Variants in D2HGDH observed in about 807,000 individuals in gnomAD.
The protein encoded by D2HGDH is D-2-hydroxyglutarate dehydrogenase, mitochondrial.
A neutral mutation model predicts 46.9 loss-of-function variants in D2HGDH; 31 were observed. That is an observed-to-expected ratio of 0.66 (90% CI 0.50 to 0.89). D2HGDH has a LOEUF of 0.89. D2HGDH is among the 40% of genes least tolerant of loss of function. The pLI, the probability that D2HGDH is intolerant of heterozygous loss-of-function variation, is 0.00. For synonymous variants in D2HGDH, 364 were observed against 332.6 expected, an observed-to-expected ratio of 1.09 and a Z score of -1.03; for missense variants, 698 against 720.8, an observed-to-expected ratio of 0.97 and a Z score of 0.36.
At chr2:241,765,007 T>C (rs1477019798) in intron 9 of D2HGDH, among the ~76,000 whole-genome samples, 3 of 152,170 alleles carry the variant, frequency 2.0e-5, no homozygotes, top group Non-Finnish European at 4.4e-5. Flanking sequence ...GGGCTCAGTG[T>C]GGGCTAAGTG....
chr2:241,747,147 C>G (rs569488865), intron 6 of D2HGDH, among the ~76,000 whole-genome samples: 1 of 152,166 alleles, frequency 6.6e-6, no homozygotes, highest in South Asian at 2.1e-4. Flanking sequence ...TCATGTAACT[C>G]CTGGGCTAAA....
chr2:241,768,267 C>G lies in D2HGDH; in HGVS notation c.*298C>G, dbSNP rs555079079. ...CCACGTGGAAGCGGGGTGGGTCTCA[C>G]TTGCGTGGTGGCCCCTGGCCCCATC... On this transcript the variant is annotated 3_prime_UTR_variant, in exon 10 of 10. Coordinates refer to ENST00000321264, the MANE Select transcript of D2HGDH (RefSeq NM_152783.5). 12 of 450,652 alleles carry G rather than the reference C, an allele frequency of 2.7e-5. No individual in the cohort carries two copies. In the East Asian group the frequency reaches 4.6e-4, roughly 17 times the overall value. The allele number at this position is 450,652 out of a possible 1,614,324, so 27.9% of individuals were successfully genotyped here.
chr2:241,750,229 A>G lies in D2HGDH; in HGVS notation c.932A>G (p.Glu311Gly). Reference sequence around the variant, plus strand: ...CTGGGTGAGATCCTGTCTGCATTCGAGTTCATGGATGCTGTGTGCATGCAG... The same window carrying G: ...CTGGGTGAGATCCTGTCTGCATTCGGGTTCATGGATGCTGTGTGCATGCAG... ...GMLGEILSAF[E>G]FMDAVCMQLV... The change falls in exon 7 of 10, where the codon GAG becomes GGG. Residue 311 changes from glutamate (E) to glycine (G), a missense_variant. By Grantham distance (98) the Glu-to-Gly change is moderately conservative. Transcript: ENST00000321264. 1 of 1,613,948 alleles carries G rather than the reference A, an allele frequency of 6.2e-7. No homozygotes were observed. The highest frequency in any genetic ancestry group is 8.5e-7 in the Non-Finnish European group (1 of 1,180,014).
intron 2 of D2HGDH, among the ~76,000 whole-genome samples, chr2:241,737,496 T>TTTTTA (rs1553601394): frequency 0.27 from 41,384 of 151,846 alleles, 6,285 homozygotes; most frequent in Admixed American, 0.4. Context: ...TTTTCTCTTT[T>TTTTTA]TTTATTTTTT....
intron 9 of D2HGDH, among the ~76,000 whole-genome samples, chr2:241,756,669 C>A (rs917960096): frequency 8.5e-5 from 13 of 152,174 alleles, no homozygotes; most frequent in African/African-American, 3.1e-4. Context: ...TTACAGGCGT[C>A]CACCACCAGG....
intron 9 of D2HGDH, among the ~76,000 whole-genome samples, chr2:241,762,040 A>G (rs1181460159): frequency 6.7e-6 from 1 of 150,120 alleles, no homozygotes; most frequent in Non-Finnish European, 1.5e-5. Flanking sequence ...GAACAGAGGG[A>G]AATAAATAAT....
intron 9 of D2HGDH, 126 bp downstream of exon 9, chr2:241,756,140 A>G: frequency 1.5e-6 from 2 of 1,323,190 alleles, no homozygotes; most frequent in Non-Finnish European, 2.0e-6. Context: ...TATCTCCCGT[A>G]GACACTGGCA....
chr2:241,768,152 G>C lies in D2HGDH; in HGVS notation c.*183G>C, dbSNP rs771572536. On this transcript the variant is annotated 3_prime_UTR_variant, in exon 10 of 10. Transcript: ENST00000321264. The stretch of plus-strand genomic sequence containing the variant: ...GGCCCTCGGGCAGGAGCATCTGGCA[G>C]AGTGGGGGGCGTGGCAGGCACCCTC... The C allele has an allele frequency of 3.4e-5, 33 of 956,708 alleles. No homozygotes were observed. The highest frequency in any genetic ancestry group is 4.8e-5 in the Non-Finnish European group (32 of 664,034). 59.3% of individuals were successfully genotyped at this position (956,708 alleles called of 1,614,324 possible).
chr2:241,760,927 T>C (rs1226032616), intron 9 of D2HGDH, among the ~76,000 whole-genome samples: 1 of 152,218 alleles, frequency 6.6e-6, no homozygotes, highest in South Asian at 2.1e-4. Flanking sequence ...TCCATCTTTC[T>C]CTCTCTGTTT....
At chr2:241,760,924 TTCTC>T (rs756280932) in intron 9 of D2HGDH, among the ~76,000 whole-genome samples, 1 of 152,226 alleles carries the variant, frequency 6.6e-6, no homozygotes, top group Non-Finnish European at 1.5e-5. Flanking sequence ...CTCTCCATCT[TTCTC>T]TCTCTGTTTG....
At position 241,768,618 on chromosome 2, in the gene D2HGDH, T is replaced by C. The variant is rs1033865996; in HGVS notation, c.*649T>C. On this transcript the variant is annotated 3_prime_UTR_variant, in exon 10 of 10. Transcript: ENST00000321264. ...GGAAGACAGTTATCAGGGCAAGCTG[T>C]GCTCTGAGTTTCGGGTTCTGCTCCT... The C allele has an allele frequency of 2.6e-5, 4 of 152,420 alleles. No individual in the cohort carries two copies. The highest frequency in any genetic ancestry group is 9.7e-5 in the African/African-American group (4 of 41,444). The allele number at this position is 152,420 out of a possible 1,614,324, so 9.4% of individuals were successfully genotyped here.
intron 9 of D2HGDH, 46 bp downstream of exon 9, chr2:241,756,060 G>C (rs1200231865): frequency 6.4e-7 from 1 of 1,557,504 alleles, no homozygotes; most frequent in Admixed American, 1.8e-5. Context: ...CTGGGTGGTG[G>C]GCCCCACGGT....
chr2:241,752,968 A>G (rs975662013), intron 8 of D2HGDH, among the ~76,000 whole-genome samples: 11 of 99,386 alleles, frequency 1.1e-4, no homozygotes, highest in African/African-American at 4.4e-4. Context: ...CAACGCCCCC[A>G]GCCTCTGCAC....
intron 9 of D2HGDH, among the ~76,000 whole-genome samples, chr2:241,758,767 A>ATGTGTGTGTT (rs768590214): frequency 1.9e-5 from 2 of 106,226 alleles, no homozygotes; most frequent in East Asian, 5.8e-4. Context: ...GCCCCACAAT[A>ATGTGTGTGTT]TATGTGTGTG....
chr2:241,764,923 C>T (rs966570405), intron 9 of D2HGDH, among the ~76,000 whole-genome samples: 1 of 152,208 alleles, frequency 6.6e-6, no homozygotes, highest in South Asian at 2.1e-4. Context: ...CCTTCTTGAC[C>T]TCTGAGGTCA....
intron 9 of D2HGDH, among the ~76,000 whole-genome samples, chr2:241,758,765 A>ATGTGTGTGTG (rs1491270413): frequency 3.5e-5 from 4 of 113,356 alleles, no homozygotes; most frequent in South Asian, 6.9e-4. Context: ...CCGCCCCACA[A>ATGTGTGTGTG]TATATGTGTG....
At chr2:241,748,746 G>A (rs1696528591) in intron 6 of D2HGDH, 2 of 1,030,694 alleles carry the variant, frequency 1.9e-6, no homozygotes, top group Non-Finnish European at 1.2e-6. Flanking sequence ...CCCCGGAACG[G>A]CTGGGGCAGC....
intron 8 of D2HGDH, among the ~76,000 whole-genome samples, chr2:241,754,236 G>A (rs1158327347): frequency 1.3e-5 from 2 of 152,348 alleles, no homozygotes; most frequent in East Asian, 1.9e-4. Flanking sequence ...CCATGGAGGC[G>A]AAAGCCGGCC....
chr2:241,750,365 T>C, intron 7 of D2HGDH, 71 bp downstream of exon 7: 1 of 1,007,844 alleles, frequency 9.9e-7, no homozygotes, highest in Non-Finnish European at 1.4e-6. Context: ...ATGGGACGGC[T>C]CAGAGACCCC....
Sources: gnomAD v4.1 joint callset for allele counts (sites outside exome capture counted in the v4.1 genomes callset) on GRCh38, gnomAD v4.1.1 for gene constraint, MANE v1.5 for transcripts, NCBI Gene and HGNC (gene_info 2026-07-23, HGNC 2026-07-21) for gene names.